TNNI3K: variants seen among roughly 807,000 people sequenced by gnomAD.
TNNI3K encodes the protein TNNI3 interacting kinase.
In TNNI3K, 140 loss-of-function variants were observed where a neutral mutation model predicts 114.5. That is an observed-to-expected ratio of 1.22 (90% confidence interval 1.07 to 1.41). The LOEUF is 1.41. TNNI3K is among the 40% of genes most tolerant of loss of function. The pLI is 0.00. For missense variants in TNNI3K, 1,125 were observed against 1,007.6 expected, an observed-to-expected ratio of 1.12 and a Z score of -1.58; for synonymous variants, 347 against 347.5, an observed-to-expected ratio of 1.00 and a Z score of 0.02.
At chr1:74,538,745 G>C (rs559099655) in intron 23 of TNNI3K, among the ~76,000 whole-genome samples, 1 of 152,072 alleles carries the variant, frequency 6.6e-6, no homozygotes, top group African/African-American at 2.4e-5. Context: ...TCAGCAAAAG[G>C]GGATTTGCGT....
At chr1:74,374,214 A>C (rs997250481) in intron 17 of TNNI3K, 9 of 151,904 alleles carry the variant, frequency 5.9e-5, no homozygotes, top group Admixed American at 5.3e-4. Context: ...ATGGATTTAG[A>C]GGGCCAACTA....
At chr1:74,259,865 C>T (rs1010464927) in intron 4 of TNNI3K, among the ~76,000 whole-genome samples, 7 of 152,158 alleles carry the variant, frequency 4.6e-5, no homozygotes, top group African/African-American at 1.7e-4. Context: ...AACTAGGCAT[C>T]CCTTAACCCA....
intron 4 of TNNI3K, among the ~76,000 whole-genome samples, chr1:74,265,997 C>T (rs908100057): frequency 1.3e-5 from 2 of 151,952 alleles, no homozygotes; most frequent in East Asian, 1.9e-4. Flanking sequence ...ACATTTTCTT[C>T]TCTGAGGTAT....
chr1:74,386,154 G>C (rs1663468072), intron 17 of TNNI3K, among the ~76,000 whole-genome samples: 1 of 152,136 alleles, frequency 6.6e-6, no homozygotes, highest in Admixed American at 6.6e-5. Flanking sequence ...ATGATTGTGA[G>C]GCCTCCAGCC....
chr1:74,495,492 GGTGTGTAATCA>G (rs1669284734), intron 23 of TNNI3K, among the ~76,000 whole-genome samples: 1 of 152,222 alleles, frequency 6.6e-6, no homozygotes, highest in Admixed American at 6.5e-5. Flanking sequence ...TTTTTCACTT[GGTGTGTAATCA>G]GTGAATGAGC....
intron 4 of TNNI3K, among the ~76,000 whole-genome samples, chr1:74,268,362 C>T (rs1656138278): frequency 2.0e-5 from 3 of 151,834 alleles, no homozygotes; most frequent in South Asian, 2.1e-4. Context: ...TGAGAGTTAA[C>T]TCCTGTGAAC....
chr1:74,405,678 A>G (rs1213384103), intron 17 of TNNI3K, among the ~76,000 whole-genome samples: 1 of 152,146 alleles, frequency 6.6e-6, no homozygotes, highest in Non-Finnish European at 1.5e-5. Context: ...TAGATGGGGG[A>G]AAAAATGAGG....
intron 23 of TNNI3K, among the ~76,000 whole-genome samples, chr1:74,529,219 A>G (rs1054351614): frequency 1.3e-5 from 2 of 152,196 alleles, no homozygotes; most frequent in African/African-American, 4.8e-5. Context: ...AGCCTATCAG[A>G]CATCACTCAA....
intron 5 of TNNI3K, among the ~76,000 whole-genome samples, chr1:74,292,442 T>C (rs1657740866): frequency 6.6e-6 from 1 of 151,630 alleles, no homozygotes; most frequent in Non-Finnish European, 1.5e-5. Context: ...TTTTTCCTTC[T>C]ACTAGAAATT....
At chr1:74,442,304 A>G (rs933173294) in intron 20 of TNNI3K, among the ~76,000 whole-genome samples, 1 of 151,988 alleles carries the variant, frequency 6.6e-6, no homozygotes, top group Non-Finnish European at 1.5e-5. Context: ...TTCCAACTCT[A>G]TTCTGTTTCA....
At chr1:74,542,048 C>T (rs1646733416) in intron 24 of TNNI3K, among the ~76,000 whole-genome samples, 1 of 152,190 alleles carries the variant, frequency 6.6e-6, no homozygotes, top group Non-Finnish European at 1.5e-5. Context: ...CAGTCTTTTC[C>T]TAAAACCTAT....
At chr1:74,534,220 C>T (rs1002540173) in intron 23 of TNNI3K, among the ~76,000 whole-genome samples, 3 of 108,066 alleles carry the variant, frequency 2.8e-5, no homozygotes, top group Admixed American at 9.4e-5. Context: ...TTTAATTTCA[C>T]TCTTAACTTT....
At chr1:74,469,814 G>T in intron 21 of TNNI3K, 1 of 399,570 alleles carries the variant, frequency 2.5e-6, no homozygotes, top group South Asian at 1.3e-4. Flanking sequence ...AGGCTAGTGG[G>T]TGTTTGTCCT....
intron 17 of TNNI3K, among the ~76,000 whole-genome samples, chr1:74,423,078 T>G (rs998550994): frequency 1.3e-5 from 2 of 151,996 alleles, no homozygotes; most frequent in Non-Finnish European, 2.9e-5. Flanking sequence ...CTCATTAGAT[T>G]TTCTAAACAC....
intron 23 of TNNI3K, among the ~76,000 whole-genome samples, chr1:74,514,714 A>G (rs1292548847): frequency 6.6e-6 from 1 of 152,106 alleles, no homozygotes; most frequent in Non-Finnish European, 1.5e-5. Flanking sequence ...CACCATAAGA[A>G]ATTCTGTTTG....
At chr1:74,272,605 G>A (rs1374735181) in intron 5 of TNNI3K, among the ~76,000 whole-genome samples, 1 of 151,822 alleles carries the variant, frequency 6.6e-6, no homozygotes, top group African/African-American at 2.4e-5. Flanking sequence ...GAGGAAGAAT[G>A]ATGAAGACAA....
At chr1:74,520,125 A>G (rs190686915) in intron 23 of TNNI3K, among the ~76,000 whole-genome samples, 2 of 150,318 alleles carry the variant, frequency 1.3e-5, no homozygotes, top group East Asian at 2.0e-4. Flanking sequence ...TGCTGAACCC[A>G]ATTTGTAGTC....
intron 23 of TNNI3K, among the ~76,000 whole-genome samples, chr1:74,538,403 C>T (rs765481576): frequency 1.2e-4 from 19 of 152,148 alleles, no homozygotes; most frequent in Non-Finnish European, 2.1e-4. Context: ...CTATTAAATG[C>T]TCCAAAAACT....
chr1:74,458,095 C>T (rs767919172), intron 20 of TNNI3K, among the ~76,000 whole-genome samples: 8 of 152,094 alleles, frequency 5.3e-5, no homozygotes, highest in South Asian at 4.1e-4. Flanking sequence ...GCAACAACAA[C>T]GCAGCTACAC....
Sources: gnomAD v4.1 joint callset for allele counts (sites outside exome capture counted in the v4.1 genomes callset) on GRCh38, gnomAD v4.1.1 for gene constraint, MANE v1.5 for transcripts, NCBI Gene and HGNC (gene_info 2026-07-23, HGNC 2026-07-21) for gene names.